DLGAP4: variants seen among roughly 807,000 people sequenced by gnomAD.
The protein encoded by DLGAP4 is DLG associated protein 4.
In DLGAP4, 18 loss-of-function variants were observed where a neutral mutation model predicts 86.9. That is an observed-to-expected ratio of 0.21 (90% CI 0.14 to 0.31). The LOEUF (loss-of-function observed/expected upper bound fraction) is 0.31. Ranked by LOEUF, DLGAP4 falls within the 10% of genes least tolerant of loss-of-function variation. The probability of loss-of-function intolerance (pLI) is 1.00; values close to 1 mark genes in which losing one functional copy is unlikely to be tolerated. For missense variants in DLGAP4, 1,085 were observed against 1,362.6 expected, an observed-to-expected ratio of 0.80 and a Z score of 3.21; for synonymous variants, 548 against 574.3, an observed-to-expected ratio of 0.95 and a Z score of 0.65.
At chr20:36,398,941 C>A (rs2032076100) in intron 2 of DLGAP4, among the ~76,000 whole-genome samples, 1 of 152,138 alleles carries the variant, frequency 6.6e-6, no homozygotes, top group South Asian at 2.1e-4. Context: ...ACCTGTAATC[C>A]CAGCACTTTG....
chr20:36,436,175 G>T lies in DLGAP4; in HGVS notation c.1066G>T (p.Glu356Ter). 6.3e-7 allele frequency: 1 copy of T among 1,598,826 alleles called. No homozygotes were observed. The change falls in exon 4 of 13, where the codon GAG becomes TAG. Residue 356 changes from glutamate to a stop codon, truncating the protein, a stop_gained. Transcript: ENST00000339266. LOFTEE classifies it high-confidence loss of function. ...LSPRETDAAA[E>*]GPIPCRRMRS... ...CCCACGCGAGACGGATGCCGCGGCC[G>T]AGGGCCCTATCCCGTGCCGGCGCAT...
chr20:36,400,884 C>T (rs1386005712), intron 2 of DLGAP4, among the ~76,000 whole-genome samples: 1 of 152,024 alleles, frequency 6.6e-6, no homozygotes, highest in Non-Finnish European at 1.5e-5. Context: ...TGGAGGCCAC[C>T]AGGCAGCTGT....
At chr20:36,482,815 G>A (rs2035248654) in intron 7 of DLGAP4, among the ~76,000 whole-genome samples, 1 of 152,136 alleles carries the variant, frequency 6.6e-6, no homozygotes, top group Non-Finnish European at 1.5e-5. Context: ...GGGATTACTG[G>A]CATGAGATAC....
intron 2 of DLGAP4, among the ~76,000 whole-genome samples, chr20:36,420,645 C>T (rs1021434242): frequency 6.6e-6 from 1 of 151,984 alleles, no homozygotes; most frequent in Non-Finnish European, 1.5e-5. Context: ...CAGGACTGGC[C>T]TGGGCAACAT....
At chr20:36,523,399 A>C (rs2037500859) in intron 10 of DLGAP4, among the ~76,000 whole-genome samples, 1 of 152,306 alleles carries the variant, frequency 6.6e-6, no homozygotes, top group Non-Finnish European at 1.5e-5. Flanking sequence ...AATTCTTCTG[A>C]TAGATCCTAT....
At chr20:36,383,218 A>G (rs1055078518) in intron 2 of DLGAP4, among the ~76,000 whole-genome samples, 2 of 152,210 alleles carry the variant, frequency 1.3e-5, no homozygotes, top group Non-Finnish European at 2.9e-5. Flanking sequence ...AGGCAGCTCA[A>G]GCTGTTTACT....
At chr20:36,340,489 G>T (rs1361273009) in intron 1 of DLGAP4, among the ~76,000 whole-genome samples, 1 of 152,164 alleles carries the variant, frequency 6.6e-6, no homozygotes, top group Admixed American at 6.5e-5. Context: ...AACACCAGGG[G>T]CTTGCCACAA....
intron 7 of DLGAP4, among the ~76,000 whole-genome samples, chr20:36,450,647 ATC>A (rs1284970690): frequency 1.3e-5 from 2 of 152,084 alleles, no homozygotes; most frequent in Non-Finnish European, 2.9e-5. Context: ...GACTCTTATG[ATC>A]TATGTCAGGT....
intron 7 of DLGAP4, chr20:36,493,235 T>C (rs1444156808): frequency 3.3e-5 from 5 of 152,238 alleles, no homozygotes; most frequent in African/African-American, 1.2e-4. Flanking sequence ...GGTTCCACAC[T>C]GCCCCCTGGC....
At chr20:36,512,286 G>A (rs191183532) in intron 10 of DLGAP4, among the ~76,000 whole-genome samples, 194 of 151,908 alleles carry the variant, frequency 1.3e-3, no homozygotes, top group African/African-American at 4.6e-3. Flanking sequence ...TCCTGACCTC[G>A]TGATCCGCCC....
intron 7 of DLGAP4, among the ~76,000 whole-genome samples, chr20:36,458,041 G>GA (rs2033925423): frequency 6.6e-6 from 1 of 152,182 alleles, no homozygotes; most frequent in Admixed American, 6.5e-5. Flanking sequence ...ACAGGCTGGT[G>GA]GGGGGCAGAG....
chr20:36,472,619 G>A (rs1040999616), intron 7 of DLGAP4, among the ~76,000 whole-genome samples: 3 of 152,048 alleles, frequency 2.0e-5, no homozygotes, highest in African/African-American at 7.2e-5. Context: ...GAACTTGACA[G>A]GTCTCAGCTC....
At chr20:36,449,095 G>A (rs1431308740) in intron 7 of DLGAP4, among the ~76,000 whole-genome samples, 1 of 152,156 alleles carries the variant, frequency 6.6e-6, no homozygotes, top group Non-Finnish European at 1.5e-5. Flanking sequence ...GGGAGGTGTC[G>A]TCTGGCATCG....
intron 7 of DLGAP4, among the ~76,000 whole-genome samples, chr20:36,468,405 C>T (rs2034513413): frequency 6.6e-6 from 1 of 152,228 alleles, no homozygotes; most frequent in African/African-American, 2.4e-5. Flanking sequence ...GCCAGGAATC[C>T]CCAGTGGGCA....
chr20:36,520,635 C>G (rs914983834), intron 10 of DLGAP4, among the ~76,000 whole-genome samples: 1 of 152,202 alleles, frequency 6.6e-6, no homozygotes, highest in African/African-American at 2.4e-5. Context: ...GCATAAGCCA[C>G]CACACCCAGC....
chr20:36,419,392 G>A (rs1451612288), intron 2 of DLGAP4, among the ~76,000 whole-genome samples: 1 of 152,096 alleles, frequency 6.6e-6, no homozygotes, highest in Non-Finnish European at 1.5e-5. Flanking sequence ...AGCCCAAAGT[G>A]CTGGGATTAT....
intron 7 of DLGAP4, among the ~76,000 whole-genome samples, chr20:36,495,015 G>A (rs1225646717): frequency 4.8e-5 from 4 of 82,510 alleles, no homozygotes; most frequent in Admixed American, 1.7e-4. Context: ...TTTTTGAGAC[G>A]GAATTTCGCT....
intron 7 of DLGAP4, chr20:36,493,152 A>G (rs1269771094): frequency 1.3e-5 from 2 of 151,724 alleles, no homozygotes; most frequent in Admixed American, 1.3e-4. Flanking sequence ...AATCACACCC[A>G]TTTTACAAGG....
In DLGAP4 at chr20:36,431,478, T is replaced by C. The variant is rs2033128083; in HGVS notation, c.-72-168T>C. On this transcript the variant is annotated intron_variant, in intron 2 of 12. Transcript: ENST00000339266. This position sits in a 1 kb window ranked among gnomAD's most constrained non-coding sequence, Gnocchi z 5.1. ...GGTAGCTTGAGTTGTAACTTTTATT[T>C]ATACACAGAGTACGTGGGCCTCGGT... Among the ~76,000 whole-genome samples the C allele has an allele frequency of 6.6e-6, 1 of 152,118 alleles. No homozygotes were observed. Among genetic ancestry groups the C allele is most frequent in the African/African-American group, 2.4e-5 (1 of 41,412 alleles).
Sources: allele counts gnomAD v4.1 joint callset (sites outside exome capture counted in the v4.1 genomes callset), GRCh38; gene constraint gnomAD v4.1.1; non-coding constraint Gnocchi (gnomAD v3.1); transcripts MANE v1.5; gene names NCBI Gene and HGNC (gene_info 2026-07-23, HGNC 2026-07-21).